The following PDSS2 variants were observed in gnomAD, a reference collection of about 807,000 sequenced individuals.
PDSS2 encodes the protein all trans-polyprenyl-diphosphate synthase PDSS2.
A neutral mutation model predicts 44.5 loss-of-function variants in PDSS2; 31 were observed. The observed-to-expected ratio is 0.70, with a 90% CI of 0.52 to 0.94. PDSS2 has a LOEUF of 0.94. Ranked by LOEUF, PDSS2 falls within the 40% of genes least tolerant of loss-of-function variation. PDSS2 has a pLI of 0.00. For missense variants in PDSS2, 452 were observed against 482.2 expected, an observed-to-expected ratio of 0.94 and a Z score of 0.59; for synonymous variants, 157 against 180.3, an observed-to-expected ratio of 0.87 and a Z score of 1.03.
At chr6:107,204,491 C>T (rs1772905310) in intron 6 of PDSS2, among the ~76,000 whole-genome samples, 1 of 152,316 alleles carries the variant, frequency 6.6e-6, no homozygotes, top group African/African-American at 2.4e-5. Context: ...AATTCTTCAT[C>T]TGTCCCTGAT....
At chr6:107,329,669 C>T (rs1300449247) in intron 2 of PDSS2, among the ~76,000 whole-genome samples, 1 of 152,174 alleles carries the variant, frequency 6.6e-6, no homozygotes, top group African/African-American at 2.4e-5. Flanking sequence ...AGGACTTCAA[C>T]ACATGAATTT....
chr6:107,425,511 T>C (rs1466417778), intron 1 of PDSS2, among the ~76,000 whole-genome samples: 6 of 152,128 alleles, frequency 3.9e-5, no homozygotes, highest in African/African-American at 1.4e-4. Context: ...ACTAGAGACT[T>C]GTGGAACTGT....
intron 2 of PDSS2, among the ~76,000 whole-genome samples, chr6:107,318,322 A>G (rs1339494523): frequency 6.6e-6 from 1 of 152,182 alleles, no homozygotes; most frequent in Non-Finnish European, 1.5e-5. Flanking sequence ...GGAGACCAGA[A>G]GAGGTCAGCG....
chr6:107,199,462 G>A lies in PDSS2; in HGVS notation c.1009-5608C>T, dbSNP rs116805917. Among the ~76,000 whole-genome samples, 671 of 152,212 alleles carry A rather than the reference G, an allele frequency of 4.4e-3. 4 individuals are homozygous for A. Among genetic ancestry groups the A allele is most frequent in the African/African-American group, 0.016 (647 of 41,526 alleles). On this transcript the variant is annotated intron_variant, in intron 6 of 7. Transcript: ENST00000369037. ...GCTACAGGTATGTACCACCATGCCTGGTTAATTTTTAATTTTTTATAGAGA... is the reference window on the plus strand; with the variant it reads ...GCTACAGGTATGTACCACCATGCCTAGTTAATTTTTAATTTTTTATAGAGA...
intron 2 of PDSS2, among the ~76,000 whole-genome samples, chr6:107,295,078 C>T (rs1776470166): frequency 6.6e-6 from 1 of 152,080 alleles, no homozygotes; most frequent in African/African-American, 2.4e-5. Context: ...ATTACAGGCG[C>T]ACGCCACCAA....
chr6:107,311,666 T>C (rs1043839532), intron 2 of PDSS2, among the ~76,000 whole-genome samples: 13 of 152,146 alleles, frequency 8.5e-5, no homozygotes, highest in Non-Finnish European at 2.9e-5. Context: ...GTATGGTAAA[T>C]GTAGTTATTG....
At chr6:107,297,928 T>C (rs938437076) in intron 2 of PDSS2, among the ~76,000 whole-genome samples, 3 of 151,860 alleles carry the variant, frequency 2.0e-5, no homozygotes, top group Non-Finnish European at 4.4e-5. Flanking sequence ...GTATTTTTAG[T>C]AGAGACAGGG....
At chr6:107,449,230 TATAA>T (rs1461083078) in intron 1 of PDSS2, among the ~76,000 whole-genome samples, 9 of 152,224 alleles carry the variant, frequency 5.9e-5, no homozygotes, top group Non-Finnish European at 1.5e-5. Flanking sequence ...TTGAAAATGA[TATAA>T]ATGTTATATA....
chr6:107,429,931 TATATATAC>T (rs1562534387), intron 1 of PDSS2, among the ~76,000 whole-genome samples: 2 of 103,384 alleles, frequency 1.9e-5, no homozygotes, highest in South Asian at 7.0e-4. Context: ...TATATATATA[TATATATAC>T]ACCAAACCCA....
intron 6 of PDSS2, among the ~76,000 whole-genome samples, chr6:107,206,040 AT>A (rs1772963407): frequency 6.6e-6 from 1 of 152,140 alleles, no homozygotes; most frequent in South Asian, 2.1e-4. Context: ...TGACAGCAAG[AT>A]TTTTCTGTTT....
At position 107,459,308 on chromosome 6, in the gene PDSS2, G is replaced by T; in HGVS notation, c.-23C>A. 1 of 1,609,506 alleles carries T rather than the reference G, an allele frequency of 6.2e-7. No homozygotes were observed. Among genetic ancestry groups the T allele is most frequent in the South Asian group, 1.1e-5 (1 of 90,984 alleles). On this transcript the variant is annotated 5_prime_UTR_variant, in exon 1 of 8. Coordinates refer to ENST00000369037, the MANE Select transcript of PDSS2 (RefSeq NM_020381.4). The surrounding 1 kb of genome is among the most constrained non-coding windows in gnomAD (Gnocchi z 4.3). ...CATGGTTTGAGTCTGGAAGGGTCTGGGACCTGGGGGTATCCAGAAGTGCCG... is the reference window on the plus strand; with the variant it reads ...CATGGTTTGAGTCTGGAAGGGTCTGTGACCTGGGGGTATCCAGAAGTGCCG...
At chr6:107,393,090 T>C (rs1779833488) in intron 1 of PDSS2, among the ~76,000 whole-genome samples, 1 of 152,156 alleles carries the variant, frequency 6.6e-6, no homozygotes, top group African/African-American at 2.4e-5. Flanking sequence ...TTACATTAGG[T>C]TTAATTTGCT....
At chr6:107,155,135 T>G (rs1770840824) in intron 7 of PDSS2, among the ~76,000 whole-genome samples, 1 of 140,636 alleles carries the variant, frequency 7.1e-6, no homozygotes, top group Non-Finnish European at 1.5e-5. Context: ...CAGCCTGATA[T>G]TCTTCCCTTT....
intron 1 of PDSS2, among the ~76,000 whole-genome samples, chr6:107,397,172 G>T (rs914836863): frequency 1.7e-5 from 2 of 121,156 alleles, no homozygotes; most frequent in Admixed American, 9.3e-5. Context: ...ATCCCCAGGG[G>T]TCCTGAGATT....
chr6:107,222,466 C>A (rs1011933973), intron 4 of PDSS2, among the ~76,000 whole-genome samples: 12 of 151,898 alleles, frequency 7.9e-5, no homozygotes, highest in African/African-American at 2.9e-4. Flanking sequence ...ACCATCCTGG[C>A]CAAAATGGTG....
intron 7 of PDSS2, among the ~76,000 whole-genome samples, chr6:107,162,292 T>A (rs1285268344): frequency 6.6e-6 from 1 of 151,592 alleles, no homozygotes; most frequent in African/African-American, 2.4e-5. Context: ...AGGCCAGGAG[T>A]GAGACCAGCC....
intron 7 of PDSS2, among the ~76,000 whole-genome samples, chr6:107,170,282 C>A (rs200009869): frequency 6.6e-6 from 1 of 152,148 alleles, no homozygotes; most frequent in African/African-American, 2.4e-5. Context: ...GAGCCAGGCA[C>A]GGGATATAAT....
At chr6:107,224,611 A>G (rs1773724562) in intron 4 of PDSS2, among the ~76,000 whole-genome samples, 1 of 151,252 alleles carries the variant, frequency 6.6e-6, no homozygotes, top group African/African-American at 2.5e-5. Flanking sequence ...ATATATATAG[A>G]GAGAGTAAAA....
chr6:107,405,234 G>A (rs1193063229), intron 1 of PDSS2, among the ~76,000 whole-genome samples: 5 of 152,074 alleles, frequency 3.3e-5, no homozygotes, highest in Admixed American at 1.3e-4. Flanking sequence ...ACAAGCAAAT[G>A]CTGTAGCAAT....
Sources: gnomAD v4.1 joint callset for allele counts (sites outside exome capture counted in the v4.1 genomes callset) on GRCh38, gnomAD v4.1.1 for gene constraint, Gnocchi (gnomAD v3.1) non-coding constraint, MANE v1.5 for transcripts, NCBI Gene and HGNC (gene_info 2026-07-23, HGNC 2026-07-21) for gene names.